SLC22A8: variants seen among roughly 807,000 people sequenced by gnomAD.
SLC22A8 encodes the protein organic anion transporter 3.
SLC22A8 carries 40 observed loss-of-function variants against 48.4 expected under a neutral mutation model. The observed-to-expected ratio is 0.83, with a 90% CI of 0.64 to 1.08. SLC22A8 has a LOEUF of 1.08. Ranked by LOEUF, SLC22A8 falls within the 50% of genes least tolerant of loss-of-function variation. The pLI is 0.00. For synonymous variants in SLC22A8, 268 were observed against 286.3 expected (o/e 0.94, Z 0.65); for missense variants, 606 against 699.0 (o/e 0.87, Z 1.50).
At chr11:62,994,307 A>G (rs2086382044) in intron 8 of SLC22A8, 1 of 573,432 alleles carries the variant, frequency 1.7e-6, no homozygotes, top group Non-Finnish European at 3.1e-6. Context: ...AAAAATTTTC[A>G]CACTATCCAG....
chr11:63,006,078 A>G (rs989645711), intron 2 of SLC22A8, among the ~76,000 whole-genome samples: 2 of 152,122 alleles, frequency 1.3e-5, no homozygotes, highest in African/African-American at 4.8e-5. Context: ...TTTAGAGAGA[A>G]TTTTGGCATG....
At chr11:62,999,919 G>A in intron 3 of SLC22A8, 77 bp from the exon 4 acceptor site, 1 of 1,273,618 alleles carries the variant, frequency 7.9e-7, no homozygotes, top group South Asian at 2.1e-5. Context: ...ATGCTGTGGG[G>A]CAAAGGGCTG....
At chr11:63,014,243 G>A (rs145943176) in intron 2 of SLC22A8, among the ~76,000 whole-genome samples, 2 of 152,106 alleles carry the variant, frequency 1.3e-5, no homozygotes, top group Non-Finnish European at 2.9e-5. Context: ...CCCAGAGGTC[G>A]GTCATAGTGC....
intron 3 of SLC22A8, among the ~76,000 whole-genome samples, chr11:63,000,101 A>T (rs1484658893): frequency 6.6e-6 from 1 of 152,192 alleles, no homozygotes; most frequent in South Asian, 2.1e-4. Context: ...AGGACCGCCC[A>T]TCTCTAAGCA....
At chr11:62,998,762 T>A (rs73492018) in intron 5 of SLC22A8, among the ~76,000 whole-genome samples, 159 bp downstream of exon 5, 8,161 of 152,210 alleles carry the variant, frequency 0.054, 729 homozygotes, top group African/African-American at 0.19. Context: ...TCCTGCAGCA[T>A]GCATTTGTTT....
intron 2 of SLC22A8, among the ~76,000 whole-genome samples, chr11:63,009,414 A>T (rs571109062): frequency 6.6e-6 from 1 of 152,138 alleles, no homozygotes; most frequent in South Asian, 2.1e-4. Flanking sequence ...CCTGGAGACA[A>T]GGCAGGGAGG....
chr11:63,014,216 C>T (rs1007714762), intron 2 of SLC22A8, among the ~76,000 whole-genome samples: 1 of 152,220 alleles, frequency 6.6e-6, no homozygotes, highest in Admixed American at 6.5e-5. Context: ...TCCCCACGCC[C>T]TCACTCTCAC....
Position 62,993,225 on chromosome 11 carries a change from G to A in SLC22A8, c.*12C>T. On this transcript the variant is annotated 3_prime_UTR_variant, in exon 11 of 11. Transcript: ENST00000336232. Reference sequence around the variant, plus strand: ...AGTCTCTGGAGGGCAGGGAAAGGGGGTTCCGTTGTCCTCAGCTGGAGCCCA... The same window carrying A: ...AGTCTCTGGAGGGCAGGGAAAGGGGATTCCGTTGTCCTCAGCTGGAGCCCA... The A allele has an allele frequency of 6.2e-7, 1 of 1,605,070 alleles. No homozygotes were observed. The highest frequency in any genetic ancestry group is 1.1e-5 in the South Asian group (1 of 90,166).
intron 9 of SLC22A8, 66 bp from the exon 10 acceptor site, chr11:62,993,693 G>C (rs1007963541): frequency 6.3e-7 from 1 of 1,596,052 alleles, no homozygotes; most frequent in Non-Finnish European, 8.6e-7. Context: ...GCTCCCCTGG[G>C]TAGAGGACAG....
chr11:62,996,330 A>G (rs2135119622), intron 5 of SLC22A8, among the ~76,000 whole-genome samples, 178 bp from the exon 6 acceptor site: 1 of 152,222 alleles, frequency 6.6e-6, no homozygotes, highest in South Asian at 2.1e-4. Context: ...GCCTGCAGCC[A>G]GCACAAATTC....
chr11:63,014,720 G>C lies in SLC22A8; in HGVS notation c.239C>G (p.Pro80Arg), dbSNP rs1266374596. ...PERCLRFVHP[P>R]NASLPNDTQR... Reference sequence around the variant, plus strand: ...GGTGTCATTGGGCAGGCTGGCATTGGGCGGATGTACAAAACGGAGGCACCT... The same window carrying C: ...GGTGTCATTGGGCAGGCTGGCATTGCGCGGATGTACAAAACGGAGGCACCT... Residue 80 changes from proline to arginine, a missense_variant, in exon 2 of 11, where the codon CCC becomes CGC. Physicochemically the swap from Pro to Arg is moderately radical, Grantham distance 103. Coordinates refer to ENST00000336232, the MANE Select transcript of SLC22A8 (RefSeq NM_004254.4). 12 of 1,614,164 alleles carry C rather than the reference G, an allele frequency of 7.4e-6. No homozygotes were observed. The highest frequency in any genetic ancestry group is 1.0e-5 in the Non-Finnish European group (12 of 1,179,988).
chr11:62,996,209 G>T, intron 5 of SLC22A8, 57 bp from the exon 6 acceptor site: 1 of 1,523,622 alleles, frequency 6.6e-7, no homozygotes, highest in Non-Finnish European at 8.8e-7. Flanking sequence ...CCTTTTGAGA[G>T]GCTGGAAGAA....
At chr11:63,010,006 C>T (rs1371376332) in intron 2 of SLC22A8, among the ~76,000 whole-genome samples, 1 of 152,134 alleles carries the variant, frequency 6.6e-6, no homozygotes, top group Non-Finnish European at 1.5e-5. Context: ...CCCCTTTTTA[C>T]CAGGGGATCC....
At chr11:63,015,338 G>A (rs182361891) in intron 1 of SLC22A8, among the ~76,000 whole-genome samples, 9 of 152,338 alleles carry the variant, frequency 5.9e-5, no homozygotes, top group Admixed American at 5.9e-4. Context: ...CTGCGGACAC[G>A]AGCATGTGTG....
At position 62,993,155 on chromosome 11, in the gene SLC22A8, C is replaced by T. The variant is rs2086362661; in HGVS notation, c.*82G>A. ...GAAGGCTTCATCCTAGGAGGATGGA[C>T]CTATATGGGGCCTCCCTATACTCCT... On this transcript the variant is annotated 3_prime_UTR_variant, in exon 11 of 11. Transcript: ENST00000336232. 3 of 1,008,658 alleles carry T rather than the reference C, an allele frequency of 3.0e-6. No homozygotes were observed. The highest frequency in any genetic ancestry group is 4.4e-6 in the Non-Finnish European group (3 of 678,122). The allele number at this position is 1,008,658 out of a possible 1,614,324, so 62.5% of individuals were successfully genotyped here. A position where few individuals can be genotyped will look rare whatever the true frequency, so the allele number is the denominator to read the frequency against.
At chr11:62,995,884 A>G in intron 6 of SLC22A8, 65 bp from the exon 7 acceptor site, 1 of 1,501,864 alleles carries the variant, frequency 6.7e-7, no homozygotes, top group Non-Finnish European at 9.3e-7. Context: ...GAAGAGAGGG[A>G]GATGCAGGCG....
At chr11:63,013,311 C>G (rs1257707104) in intron 2 of SLC22A8, among the ~76,000 whole-genome samples, 1 of 152,204 alleles carries the variant, frequency 6.6e-6, no homozygotes, top group African/African-American at 2.4e-5. Flanking sequence ...TGGAATCAAG[C>G]TGAGCCTCAG....
chr11:62,993,947 G>T, intron 8 of SLC22A8, 69 bp from the exon 9 acceptor site: 1 of 948,604 alleles, frequency 1.1e-6, no homozygotes, highest in Non-Finnish European at 1.7e-6. Flanking sequence ...CTCCTTAGCT[G>T]ATCTTGTCTC....
intron 3 of SLC22A8, among the ~76,000 whole-genome samples, chr11:63,000,344 C>T (rs1188496264): frequency 2.0e-5 from 3 of 152,022 alleles, no homozygotes; most frequent in Non-Finnish European, 2.9e-5. Context: ...ATTAGCCAGG[C>T]GTGGTGACAC....
Sources: gnomAD v4.1 joint callset for allele counts (sites outside exome capture counted in the v4.1 genomes callset) on GRCh38, gnomAD v4.1.1 for gene constraint, MANE v1.5 for transcripts, NCBI Gene and HGNC (gene_info 2026-07-23, HGNC 2026-07-21) for gene names.